Variants in DOCK3 observed in about 807,000 individuals in gnomAD.
DOCK3 encodes dedicator of cytokinesis protein 3.
A neutral mutation model predicts 265.6 loss-of-function variants in DOCK3; 60 were observed. That is an observed-to-expected ratio of 0.23 (90% confidence interval 0.18 to 0.28). The LOEUF is 0.28. DOCK3 is among the 10% of genes least tolerant of loss of function. The pLI is 1.00. For missense variants in DOCK3, 1,981 were observed against 2,594.3 expected (o/e 0.76, Z 5.14); for synonymous variants, 881 against 938.0 (o/e 0.94, Z 1.11).
chr3:50,979,168 C>T (rs914451254), intron 5 of DOCK3, among the ~76,000 whole-genome samples: 2 of 152,158 alleles, frequency 1.3e-5, no homozygotes, highest in African/African-American at 2.4e-5. Flanking sequence ...CTTGGCTCCT[C>T]CCCCAGTGTG....
chr3:51,311,070 G>A (rs1441948034), intron 28 of DOCK3, among the ~76,000 whole-genome samples: 1 of 152,208 alleles, frequency 6.6e-6, no homozygotes, highest in Non-Finnish European at 1.5e-5. Flanking sequence ...ATAGAAGGAT[G>A]ATTGTAAACA....
intron 22 of DOCK3, among the ~76,000 whole-genome samples, chr3:51,256,508 T>C (rs749862701): frequency 2.4e-4 from 36 of 152,104 alleles, no homozygotes; most frequent in East Asian, 1.5e-3. Flanking sequence ...TGACCTCAGG[T>C]GATCCGGCTG....
At chr3:51,311,901 G>T in intron 28 of DOCK3, 103 bp from the exon 29 acceptor site, 2 of 738,418 alleles carry the variant, frequency 2.7e-6, no homozygotes, top group Non-Finnish European at 4.3e-6. Context: ...GGAACAAATT[G>T]TACTCAAGAA....
intron 9 of DOCK3, among the ~76,000 whole-genome samples, chr3:51,125,242 T>A (rs2084217140): frequency 6.6e-6 from 1 of 152,242 alleles, no homozygotes; most frequent in East Asian, 1.9e-4. Context: ...AGTTGTTAAG[T>A]ACTAAAAATT....
chr3:51,333,381 A>G (rs1665850720), intron 35 of DOCK3, 128 bp downstream of exon 35: 1 of 926,428 alleles, frequency 1.1e-6, no homozygotes, highest in Non-Finnish European at 1.7e-6. Flanking sequence ...ATTGGGTGCC[A>G]TCACCAGTCA....
At chr3:51,072,950 C>G (rs1032510887) in intron 6 of DOCK3, among the ~76,000 whole-genome samples, 1 of 151,518 alleles carries the variant, frequency 6.6e-6, no homozygotes, top group Non-Finnish European at 1.5e-5. Context: ...TCAAGCAGTC[C>G]TCGCTCCCTG....
chr3:50,922,273 G>A (rs564571501), intron 4 of DOCK3, among the ~76,000 whole-genome samples: 4 of 152,316 alleles, frequency 2.6e-5, no homozygotes, highest in Admixed American at 2.0e-4. Context: ...CCCTCCCCTG[G>A]CCTCACTGCC....
intron 12 of DOCK3, among the ~76,000 whole-genome samples, chr3:51,178,007 A>AC (rs990872270): frequency 1.9e-4 from 7 of 37,442 alleles, no homozygotes; most frequent in Admixed American, 4.1e-4. Context: ...CAAAAAACAA[A>AC]CAAAAAAAAA....
chr3:51,111,146 G>A (rs2083498737), intron 9 of DOCK3, among the ~76,000 whole-genome samples: 1 of 152,120 alleles, frequency 6.6e-6, no homozygotes, highest in South Asian at 2.1e-4. Context: ...TCTCTACAAT[G>A]AGAATTACAA....
intron 5 of DOCK3, among the ~76,000 whole-genome samples, chr3:50,980,645 T>C (rs1205987085): frequency 1.3e-5 from 2 of 152,188 alleles, no homozygotes; most frequent in African/African-American, 4.8e-5. Flanking sequence ...TACTTGTTAC[T>C]GGTTTATTCG....
At chr3:51,034,265 C>A (rs1194094811) in intron 5 of DOCK3, among the ~76,000 whole-genome samples, 1 of 151,936 alleles carries the variant, frequency 6.6e-6, no homozygotes, top group Admixed American at 6.6e-5. Flanking sequence ...CATTGATATT[C>A]TTTGTATTCC....
intron 51 of DOCK3, among the ~76,000 whole-genome samples, chr3:51,376,489 G>A (rs975677982): frequency 5.9e-5 from 9 of 152,282 alleles, no homozygotes; most frequent in South Asian, 2.1e-4. Context: ...TCTGCAAGCC[G>A]ATGGAAGAAG....
At chr3:50,812,315 C>T (rs548186444) in intron 2 of DOCK3, among the ~76,000 whole-genome samples, 1 of 152,296 alleles carries the variant, frequency 6.6e-6, no homozygotes, top group Admixed American at 6.5e-5. Flanking sequence ...AACAATAGCA[C>T]ACCAGATCCC....
chr3:51,156,953 T>C (rs2085879004), intron 10 of DOCK3, among the ~76,000 whole-genome samples: 1 of 152,188 alleles, frequency 6.6e-6, no homozygotes, highest in African/African-American at 2.4e-5. Context: ...TTCAAAAAAG[T>C]ATATAAAAAT....
At chr3:51,134,260 T>C (rs924334063) in intron 9 of DOCK3, among the ~76,000 whole-genome samples, 2 of 152,210 alleles carry the variant, frequency 1.3e-5, no homozygotes, top group Admixed American at 6.5e-5. Flanking sequence ...TGTGTCTTTA[T>C]GGTAGAATGA....
intron 4 of DOCK3, among the ~76,000 whole-genome samples, chr3:50,919,295 G>T (rs1331007769): frequency 2.0e-5 from 3 of 152,182 alleles, no homozygotes; most frequent in Non-Finnish European, 4.4e-5. Context: ...TGTGAAGAAA[G>T]TTATTGGTAG....
intron 49 of DOCK3, among the ~76,000 whole-genome samples, chr3:51,363,155 AAAACCT>A (rs2086862777): frequency 6.6e-6 from 1 of 152,270 alleles, no homozygotes; most frequent in Admixed American, 6.5e-5. Flanking sequence ...TGGCTCTGTA[AAAACCT>A]ATTTACTTTG....
Position 51,381,643 on chromosome 3 carries a change from A to C in DOCK3, c.*84A>C, listed in dbSNP as rs1248176077. The C allele has an allele frequency of 7.0e-7, 1 of 1,429,460 alleles. No homozygotes were observed. The highest frequency in any genetic ancestry group is 1.4e-5 in the African/African-American group (1 of 69,412). 88.5% of individuals were successfully genotyped at this position (1,429,460 alleles called of 1,614,324 possible). On this transcript the variant is annotated 3_prime_UTR_variant, in exon 53 of 53. Coordinates refer to ENST00000266037, the MANE Select transcript of DOCK3 (RefSeq NM_004947.5). The surrounding 1 kb of genome is among the most constrained non-coding windows in gnomAD (Gnocchi z 5.6). The stretch of plus-strand genomic sequence containing the variant: ...TCTGAAAAGCAAGTCCCCCAGCCCC[A>C]CCCCAGGGAGCCAGAGAGGCTTGCA...
At chr3:51,008,699 T>G (rs1349407459) in intron 5 of DOCK3, among the ~76,000 whole-genome samples, 1 of 152,210 alleles carries the variant, frequency 6.6e-6, no homozygotes, top group East Asian at 1.9e-4. Flanking sequence ...TTGTGCCAGT[T>G]TTCAAAGGGA....
Sources: gnomAD v4.1 joint callset for allele counts (sites outside exome capture counted in the v4.1 genomes callset) on GRCh38, gnomAD v4.1.1 for gene constraint, Gnocchi (gnomAD v3.1) non-coding constraint, MANE v1.5 for transcripts, NCBI Gene and HGNC (gene_info 2026-07-23, HGNC 2026-07-21) for gene names.